The following PIWIL3 variants were observed in gnomAD, a reference collection of about 807,000 sequenced individuals.
The protein encoded by PIWIL3 is piwi like RNA-mediated gene silencing 3, also known as piwi-like protein 3.
A neutral mutation model predicts 109.7 loss-of-function variants in PIWIL3; 101 were observed. The ratio of observed to expected loss-of-function variants is 0.92; its 90% CI spans 0.78 to 1.09. The LOEUF is 1.09. Ranked by LOEUF, PIWIL3 falls within the 50% of genes least tolerant of loss-of-function variation. The probability of loss-of-function intolerance (pLI) is 0.00; values close to 1 mark genes in which losing one functional copy is unlikely to be tolerated. For missense variants in PIWIL3, 1,031 were observed against 1,072.6 expected, an observed-to-expected ratio of 0.96 and a Z score of 0.54; for synonymous variants, 373 against 376.4, an observed-to-expected ratio of 0.99 and a Z score of 0.10.
chr22:24,773,822 C>T (rs1926271937), intron 1 of PIWIL3, among the ~76,000 whole-genome samples: 1 of 151,212 alleles, frequency 6.6e-6, no homozygotes, highest in Non-Finnish European at 1.5e-5. Flanking sequence ...TCAAGCAATC[C>T]TCCTGCCTCA....
chr22:24,725,643 T>C lies in PIWIL3; in HGVS notation c.2010-128A>G, dbSNP rs922901395. The C allele has an allele frequency of 3.2e-5, 29 of 894,028 alleles. No homozygotes were observed. The East Asian group carries it at 7.3e-4, about 23-fold the overall frequency. The allele number at this position is 894,028 out of a possible 1,614,324, so 55.4% of individuals were successfully genotyped here. A position where few individuals can be genotyped will look rare whatever the true frequency, so the allele number is the denominator to read the frequency against. On this transcript the variant is annotated intron_variant, in intron 16 of 20. Transcript: ENST00000616349. Reference sequence around the variant, plus strand: ...ACATTTTAGCATCAATTCATATCTCTACGGAGATCAAAGTATTGGTCTCTT... The same window carrying C: ...ACATTTTAGCATCAATTCATATCTCCACGGAGATCAAAGTATTGGTCTCTT...
chr22:24,755,157 C>G (rs149004985), intron 6 of PIWIL3, among the ~76,000 whole-genome samples: 2 of 152,182 alleles, frequency 1.3e-5, no homozygotes, highest in Non-Finnish European at 2.9e-5. Flanking sequence ...GAGTCTCGCT[C>G]TGTTGCCCAG....
chr22:24,751,517 A>ATTATT lies in PIWIL3; in HGVS notation c.978-20_978-19insAATAA. Reference sequence around the variant, plus strand: ...GTTGTATCTGTGGAATAATTACAATATGGTATTATTTGACTTATTCATCAC... The same window carrying ATTATT: ...GTTGTATCTGTGGAATAATTACAATATTATTTGGTATTATTTGACTTATTCATCAC... On this transcript the variant is annotated intron_variant, in intron 8 of 20. Coordinates refer to ENST00000616349, the MANE Select transcript of PIWIL3 (RefSeq NM_001255975.1). 1 of 1,604,244 alleles carries ATTATT rather than the reference A, an allele frequency of 6.2e-7. No homozygotes were observed. Among genetic ancestry groups the ATTATT allele is most frequent in the South Asian group, 1.1e-5 (1 of 88,488 alleles).
intron 1 of PIWIL3, among the ~76,000 whole-genome samples, chr22:24,765,415 C>G (rs1306184175): frequency 4.6e-5 from 7 of 152,176 alleles, no homozygotes; most frequent in African/African-American, 1.7e-4. Flanking sequence ...GCAGTCGTAG[C>G]TTTGGCAGTG....
intron 4 of PIWIL3, among the ~76,000 whole-genome samples, chr22:24,757,659 T>TACACACACACAC (rs57298578): frequency 9.1e-6 from 1 of 109,868 alleles, no homozygotes; most frequent in African/African-American, 3.2e-5. Flanking sequence ...ATGTATATAT[T>TACACACACACAC]ACACACACAC....
intron 16 of PIWIL3, among the ~76,000 whole-genome samples, chr22:24,726,588 T>G (rs1031247286): frequency 6.6e-6 from 1 of 152,234 alleles, no homozygotes; most frequent in Non-Finnish European, 1.5e-5. Context: ...CCCGGCGGTA[T>G]TGGCTATTTT....
chr22:24,748,711 G>C (rs1448568192), intron 12 of PIWIL3, among the ~76,000 whole-genome samples, 196 bp downstream of exon 12: 1 of 152,162 alleles, frequency 6.6e-6, no homozygotes, highest in Non-Finnish European at 1.5e-5. Flanking sequence ...TAATTAGATA[G>C]ACATAATACA....
chr22:24,730,937 G>C (rs1601826766), intron 14 of PIWIL3, among the ~76,000 whole-genome samples: 1 of 152,218 alleles, frequency 6.6e-6, no homozygotes, highest in Non-Finnish European at 1.5e-5. Flanking sequence ...ATATACGTTT[G>C]TGGCAGGCCA....
At chr22:24,720,739 C>T (rs1051089391) in intron 19 of PIWIL3, among the ~76,000 whole-genome samples, 5 of 151,876 alleles carry the variant, frequency 3.3e-5, no homozygotes, top group Admixed American at 2.0e-4. Flanking sequence ...ATGTTTCTGC[C>T]TTTCCTTCAT....
chr22:24,736,241 A>T (rs1923649644), intron 12 of PIWIL3, among the ~76,000 whole-genome samples: 1 of 152,138 alleles, frequency 6.6e-6, no homozygotes, highest in Admixed American at 6.5e-5. Context: ...TAATAGATCA[A>T]ATGTATTTTG....
At chr22:24,754,537 A>G (rs758835193) in intron 7 of PIWIL3, among the ~76,000 whole-genome samples, 7 of 152,182 alleles carry the variant, frequency 4.6e-5, no homozygotes, top group Non-Finnish European at 1.0e-4. Flanking sequence ...TACATTTTGG[A>G]TGATTGTTTA....
Position 24,745,785 on chromosome 22 carries a change from C to T in PIWIL3, c.1449+3122G>A, listed in dbSNP as rs556365730. Reference sequence around the variant, plus strand: ...CAGAGATGAAAATGGAGAGGACAACCAATATTGCAGAAATGTAAAGGTTCA... The same window carrying T: ...CAGAGATGAAAATGGAGAGGACAACTAATATTGCAGAAATGTAAAGGTTCA... On this transcript the variant is annotated intron_variant, in intron 12 of 20. Transcript: ENST00000616349. Among the ~76,000 whole-genome samples the T allele has an allele frequency of 2.5e-4, 36 of 144,440 alleles. No homozygotes were observed. In the South Asian group the frequency reaches 7.9e-3, roughly 32 times the overall value. 94.8% of individuals were successfully genotyped at this position (144,440 alleles called of 152,430 possible). A position where few individuals can be genotyped will look rare whatever the true frequency, so the allele number is the denominator to read the frequency against.
chr22:24,737,776 T>G lies in PIWIL3; in HGVS notation c.1450-1884A>C, dbSNP rs115136376. On this transcript the variant is annotated intron_variant, in intron 12 of 20. Transcript: ENST00000616349. ...CACCGCAAGCTGACTGAAGAGCCCA[T>G]GGACCTTAAGGGAACAGTGGTAGTA... Among the ~76,000 whole-genome samples the G allele has an allele frequency of 4.3e-3, 649 of 152,270 alleles. 4 individuals are homozygous for G. The highest frequency in any genetic ancestry group is 0.015 in the African/African-American group (620 of 41,550).
chr22:24,760,495 G>C (rs1197041232), intron 2 of PIWIL3, among the ~76,000 whole-genome samples: 1 of 152,040 alleles, frequency 6.6e-6, no homozygotes, highest in Non-Finnish European at 1.5e-5. Flanking sequence ...TAAAATGAGA[G>C]CTGTGACAGA....
At chr22:24,759,424 C>G (rs566369910) in intron 3 of PIWIL3, among the ~76,000 whole-genome samples, 2 of 152,026 alleles carry the variant, frequency 1.3e-5, no homozygotes, top group Admixed American at 1.3e-4. Flanking sequence ...TCACATTAGC[C>G]GAAACCTTAG....
chr22:24,741,825 C>A (rs550570661), intron 12 of PIWIL3, among the ~76,000 whole-genome samples: 7 of 150,574 alleles, frequency 4.6e-5, no homozygotes, highest in South Asian at 4.2e-4. Flanking sequence ...GCATTCCCCC[C>A]CAAGAACTGC....
chr22:24,749,577 A>G, intron 10 of PIWIL3, 56 bp from the exon 11 acceptor site: 1 of 1,611,088 alleles, frequency 6.2e-7, no homozygotes, highest in South Asian at 1.1e-5. Context: ...GTGAGGACTA[A>G]ATTATAACAG....
At chr22:24,731,663 AG>A (rs895176646) in intron 14 of PIWIL3, among the ~76,000 whole-genome samples, 32 of 152,064 alleles carry the variant, frequency 2.1e-4, no homozygotes, top group African/African-American at 7.2e-4. Flanking sequence ...AAAAAAAAAA[AG>A]AAAAGTTAAT....
Position 24,757,897 on chromosome 22 carries a change from G to C in PIWIL3, c.355+11C>G. ...ACAGCTCCATAAACATTGAGTTCTAGACCAACATACCTGTTTTTGAGTCTT... is the reference window on the plus strand; with the variant it reads ...ACAGCTCCATAAACATTGAGTTCTACACCAACATACCTGTTTTTGAGTCTT... On this transcript the variant is annotated intron_variant, in intron 4 of 20. Coordinates refer to ENST00000616349, the MANE Select transcript of PIWIL3 (RefSeq NM_001255975.1). 6.3e-7 allele frequency: 1 copy of C among 1,584,504 alleles called. No homozygotes were observed. Among genetic ancestry groups the C allele is most frequent in the South Asian group, 1.2e-5 (1 of 85,952 alleles).
Sources: allele counts gnomAD v4.1 joint callset (sites outside exome capture counted in the v4.1 genomes callset), GRCh38; gene constraint gnomAD v4.1.1; transcripts MANE v1.5; gene names NCBI Gene and HGNC (gene_info 2026-07-23, HGNC 2026-07-21).